The following CENPH variants were observed in gnomAD, a reference collection of about 807,000 sequenced individuals.
CENPH encodes centromere protein H.
Under a neutral mutation model 42.9 loss-of-function variants are expected in CENPH, and 40 were observed. That is an observed-to-expected ratio of 0.93 (90% CI 0.72 to 1.21). The LOEUF is 1.21. CENPH is among the 50% of genes most tolerant of loss of function. The pLI is 0.00. For missense variants in CENPH, 302 were observed against 292.9 expected (o/e 1.03, Z -0.23); for synonymous variants, 88 against 96.5 (o/e 0.91, Z 0.52).
intron 2 of CENPH, 112 bp downstream of exon 2, chr5:69,191,962 T>C (rs144786524): frequency 6.7e-6 from 4 of 596,944 alleles, no homozygotes; most frequent in Middle Eastern, 4.6e-4. Flanking sequence ...TCTGGTTTAC[T>C]GCAGCCTCAG....
chr5:69,196,794 A>C (rs961426436), intron 4 of CENPH, among the ~76,000 whole-genome samples: 2 of 152,206 alleles, frequency 1.3e-5, no homozygotes, highest in African/African-American at 4.8e-5. Context: ...GAACTCATTC[A>C]GCTCAGGCCA....
chr5:69,205,151 C>T (rs909483312), intron 7 of CENPH, among the ~76,000 whole-genome samples: 21 of 151,932 alleles, frequency 1.4e-4, no homozygotes, highest in African/African-American at 5.1e-4. Flanking sequence ...ATCTCCTGAC[C>T]TCGTGATCCA....
At chr5:69,192,888 G>A (rs1005642796) in intron 2 of CENPH, among the ~76,000 whole-genome samples, 1 of 152,140 alleles carries the variant, frequency 6.6e-6, no homozygotes, top group Non-Finnish European at 1.5e-5. Context: ...CCTGAGGTCA[G>A]GAGTTCGAGA....
At chr5:69,192,347 G>A (rs100192) in intron 2 of CENPH, among the ~76,000 whole-genome samples, 62,334 of 151,862 alleles carry the variant, frequency 0.41, 12,905 homozygotes, top group South Asian at 0.55. Context: ...GAAAGTTTAC[G>A]TTCCAATAGT....
At chr5:69,206,880 T>TC (rs11463154) in intron 7 of CENPH, among the ~76,000 whole-genome samples, 91,148 of 151,834 alleles carry the variant, frequency 0.6, 27,856 homozygotes, top group African/African-American at 0.71. Context: ...TCTTGTCTAT[T>TC]CCCCCATGTT....
chr5:69,194,634 T>TA lies in CENPH; in HGVS notation c.191-12dup, dbSNP rs1747933112. 1 of 1,535,430 alleles carries TA rather than the reference T, an allele frequency of 6.5e-7. No homozygotes were observed. The highest frequency in any genetic ancestry group is 1.2e-5 in the South Asian group (1 of 84,366). On this transcript the variant is annotated splice_polypyrimidine_tract_variant and intron_variant, in intron 2 of 8. Transcript: ENST00000283006. The stretch of plus-strand genomic sequence containing the variant: ...TAAAATGTTAGTAACTTCAAAAAAT[T>TA]ATTTATTTGCAGGTGAAGAAAAAAC...
At chr5:69,204,051 T>TATATTATATATAGAA (rs1244073988) in intron 7 of CENPH, among the ~76,000 whole-genome samples, 1 of 61,926 alleles carries the variant, frequency 1.6e-5, no homozygotes, top group African/African-American at 6.6e-5. Context: ...TATTTATATA[T>TATATTATATATAGAA]TATATATATA....
intron 7 of CENPH, among the ~76,000 whole-genome samples, chr5:69,203,351 TAAA>T (rs527980221): frequency 2.0e-5 from 3 of 148,026 alleles, no homozygotes; most frequent in African/African-American, 7.3e-5. Context: ...ATTTTTATGT[TAAA>T]AAAAATTTTT....
chr5:69,193,387 A>C, intron 2 of CENPH, among the ~76,000 whole-genome samples: 1 of 146,750 alleles, frequency 6.8e-6, no homozygotes, highest in African/African-American at 2.6e-5. Context: ...TAATCCCAGC[A>C]CTTTGAGGGG....
chr5:69,198,708 G>A (rs1224631497), intron 5 of CENPH, among the ~76,000 whole-genome samples: 3 of 152,164 alleles, frequency 2.0e-5, no homozygotes, highest in Non-Finnish European at 4.4e-5. Context: ...TGAGGCAGGA[G>A]GATAGCTTGA....
intron 3 of CENPH, among the ~76,000 whole-genome samples, chr5:69,195,416 A>C (rs1747948144): frequency 6.6e-6 from 1 of 151,596 alleles, no homozygotes; most frequent in Non-Finnish European, 1.5e-5. Context: ...CCTTTCCTTT[A>C]TTTTTCCAAA....
intron 8 of CENPH, among the ~76,000 whole-genome samples, chr5:69,208,778 T>G (rs1312822973): frequency 6.6e-6 from 1 of 152,142 alleles, no homozygotes; most frequent in African/African-American, 2.4e-5. Context: ...GTGTGTATAC[T>G]TAATGTTTAA....
At chr5:69,198,081 T>C (rs1454966456) in intron 5 of CENPH, among the ~76,000 whole-genome samples, 2 of 151,372 alleles carry the variant, frequency 1.3e-5, no homozygotes, top group African/African-American at 4.9e-5. Flanking sequence ...CCACCACGCC[T>C]AGCTAATTTT....
At chr5:69,194,600 G>T (rs1455522929) in intron 2 of CENPH, 47 bp from the exon 3 acceptor site, 6 of 1,113,510 alleles carry the variant, frequency 5.4e-6, no homozygotes, top group Non-Finnish European at 8.0e-6. Flanking sequence ...CTTTTGGACA[G>T]CACCTCTCTA....
chr5:69,202,153 TA>T (rs1748070336), intron 5 of CENPH, among the ~76,000 whole-genome samples: 3 of 152,140 alleles, frequency 2.0e-5, no homozygotes, highest in Non-Finnish European at 4.4e-5. Flanking sequence ...AAATAAAAAC[TA>T]AAATTGCTCT....
At chr5:69,194,826 A>G in intron 3 of CENPH, 131 bp downstream of exon 3, 1 of 515,974 alleles carries the variant, frequency 1.9e-6, no homozygotes, top group Non-Finnish European at 3.4e-6. Context: ...AGTTCATTGA[A>G]GCCACAACCT....
At position 69,209,793 on chromosome 5, in the gene CENPH, G is replaced by C. The variant is rs765537561; in HGVS notation, c.738G>C (p.Met246Ile). ...IVLQLEKNVD[M>I]M is the part of the protein sequence containing the mutation. ...TGCAGCTTGAGAAGAATGTTGACAT[G>C]ATGTAATAAGAATTCATTTCTGACA... Residue 246 changes from methionine (M) to isoleucine (I), a missense_variant, in exon 9 of 9, where the codon ATG (methionine) becomes ATC (isoleucine). By Grantham distance (10) the Met-to-Ile change is conservative (BLOSUM62 1). Coordinates refer to ENST00000283006, the MANE Select transcript of CENPH (RefSeq NM_022909.4). The C allele has an allele frequency of 9.7e-6, 15 of 1,551,298 alleles. No homozygotes were observed. The highest frequency in any genetic ancestry group is 1.7e-4 in the Middle Eastern group (1 of 5,936).
rs1168613545 is a variant in CENPH at position 69,204,051 on chromosome 5, TTATA to T, written c.487+1088_487+1091del. Among the ~76,000 whole-genome samples the T allele has an allele frequency of 1.3e-4, 8 of 61,944 alleles. No homozygotes were observed. The East Asian group carries it at 6.9e-3, about 54-fold the overall frequency. 40.6% of individuals were successfully genotyped at this position (61,944 alleles called of 152,430 possible). ...ATATATAATTATATATATTTATATA[TTATA>T]TATATAAATATATATAATATATAAA... On this transcript the variant is annotated intron_variant, in intron 7 of 8. Transcript: ENST00000283006.
rs144765586 is a variant in CENPH, at chr5:69,198,400, G to A, written c.371+1291G>A. 5.6e-3 allele frequency among the ~76,000 whole-genome samples: 847 copies of A among 150,866 alleles called. 6 individuals carry two copies. The highest frequency in any genetic ancestry group is 0.019 in the African/African-American group (778 of 41,060). ...CATCTCTGCGGTTCAAGCAATTCTC[G>A]TGCCTCAGCCTCCTGAATAGCTGGG... On this transcript the variant is annotated intron_variant, in intron 5 of 8. Transcript: ENST00000283006.
Sources: allele counts gnomAD v4.1 joint callset (sites outside exome capture counted in the v4.1 genomes callset), GRCh38; gene constraint gnomAD v4.1.1; transcripts MANE v1.5; gene names NCBI Gene and HGNC (gene_info 2026-07-23, HGNC 2026-07-21).